CAP2: variants seen among roughly 807,000 people sequenced by gnomAD.
CAP2 encodes the protein cyclase associated actin cytoskeleton regulatory protein 2.
A neutral mutation model predicts 57.7 loss-of-function variants in CAP2; 24 were observed. The observed-to-expected ratio is 0.42, with a 90% CI of 0.30 to 0.58. CAP2 has a LOEUF of 0.58. CAP2 is among the 20% of genes least tolerant of loss of function. The pLI, the probability that CAP2 is intolerant of heterozygous loss-of-function variation, is 0.22. For missense variants in CAP2, 501 were observed against 590.3 expected, an observed-to-expected ratio of 0.85 and a Z score of 1.57; for synonymous variants, 194 against 207.2, an observed-to-expected ratio of 0.94 and a Z score of 0.55.
chr6:17,526,861 G>A (rs1228108044), intron 7 of CAP2, among the ~76,000 whole-genome samples: 6 of 150,282 alleles, frequency 4.0e-5, no homozygotes, highest in Admixed American at 2.7e-4. Flanking sequence ...GGAGGCTGAG[G>A]CAGGAGAATC....
chr6:17,528,854 T>C (rs1762569348), intron 7 of CAP2, among the ~76,000 whole-genome samples: 1 of 152,200 alleles, frequency 6.6e-6, no homozygotes, highest in Non-Finnish European at 1.5e-5. Context: ...ACTGTGGTAT[T>C]ATTAACAATT....
Position 17,557,639 on chromosome 6 carries a change from A to G in CAP2, c.*1197A>G, listed in dbSNP as rs1182121674. On this transcript the variant is annotated 3_prime_UTR_variant, in exon 13 of 13. Transcript: ENST00000229922. Reference sequence around the variant, plus strand: ...CATTTTTTAAATATCTTCTATATCCATATAGTATTCAAATTATTAATGCTC... The same window carrying G: ...CATTTTTTAAATATCTTCTATATCCGTATAGTATTCAAATTATTAATGCTC... The G allele has an allele frequency of 6.6e-6, 1 of 152,194 alleles. No individual in the cohort carries two copies. Among genetic ancestry groups the G allele is most frequent in the Non-Finnish European group, 1.5e-5 (1 of 68,034 alleles). The allele number at this position is 152,194 out of a possible 1,614,324, so 9.4% of individuals were successfully genotyped here.
At chr6:17,484,267 A>G (rs1461681075) in intron 4 of CAP2, among the ~76,000 whole-genome samples, 2 of 152,066 alleles carry the variant, frequency 1.3e-5, no homozygotes, top group Admixed American at 6.6e-5. Flanking sequence ...AATCATTTCC[A>G]TAGCAGTTGC....
chr6:17,539,132 A>C, intron 7 of CAP2, 137 bp from the exon 8 acceptor site: 1 of 724,562 alleles, frequency 1.4e-6, no homozygotes, highest in Non-Finnish European at 2.3e-6. Flanking sequence ...CATGATGCAC[A>C]GGTGTGCCCT....
At chr6:17,506,618 A>G (rs1192300734) in intron 4 of CAP2, among the ~76,000 whole-genome samples, 1 of 148,846 alleles carries the variant, frequency 6.7e-6, no homozygotes, top group African/African-American at 2.5e-5. Context: ...CCAGCCTGGG[A>G]CAGAGTGAGA....
chr6:17,437,168 A>G (rs550593911), intron 3 of CAP2, among the ~76,000 whole-genome samples: 7 of 152,292 alleles, frequency 4.6e-5, no homozygotes, highest in South Asian at 2.1e-4. Context: ...AGTGTAATGC[A>G]CTTGAGTCAT....
At chr6:17,433,001 A>G (rs955307962) in intron 3 of CAP2, among the ~76,000 whole-genome samples, 19 of 122,382 alleles carry the variant, frequency 1.6e-4, no homozygotes, top group South Asian at 2.4e-4. Flanking sequence ...CCGTCCATCT[A>G]TCTGTCTTTC....
intron 8 of CAP2, among the ~76,000 whole-genome samples, chr6:17,540,756 AAACAACAACAAC>A (rs376461452): frequency 6.6e-6 from 1 of 152,098 alleles, no homozygotes; most frequent in Non-Finnish European, 1.5e-5. Flanking sequence ...TCCATTTAAA[AAACAACAACAAC>A]AACAACAACT....
chr6:17,517,037 GGT>G (rs1379348430), intron 7 of CAP2, among the ~76,000 whole-genome samples: 3 of 152,158 alleles, frequency 2.0e-5, no homozygotes, highest in African/African-American at 7.2e-5. Context: ...GATATGGATG[GGT>G]GTTTATGTAG....
At chr6:17,432,860 T>C (rs1221271792) in intron 3 of CAP2, among the ~76,000 whole-genome samples, 1 of 151,900 alleles carries the variant, frequency 6.6e-6, no homozygotes, top group Non-Finnish European at 1.5e-5. Flanking sequence ...GTTTTTTCCC[T>C]CTTTTTGTCT....
At chr6:17,533,181 A>G (rs1435521795) in intron 7 of CAP2, among the ~76,000 whole-genome samples, 1 of 152,046 alleles carries the variant, frequency 6.6e-6, no homozygotes, top group Non-Finnish European at 1.5e-5. Context: ...TTTAATGAAA[A>G]CAAATTTTGA....
chr6:17,434,417 C>G (rs6935951), intron 3 of CAP2, among the ~76,000 whole-genome samples: 12,359 of 151,882 alleles, frequency 0.081, 1,689 homozygotes, highest in African/African-American at 0.28. Context: ...TTAGTAGAGA[C>G]GGGGTTTCAC....
At chr6:17,423,158 A>T (rs1010861441) in intron 2 of CAP2, among the ~76,000 whole-genome samples, 27 of 152,318 alleles carry the variant, frequency 1.8e-4, no homozygotes, top group African/African-American at 6.0e-4. Context: ...TTTCACCAGG[A>T]AAGACCTACA....
At chr6:17,531,097 A>G (rs975688178) in intron 7 of CAP2, 2 of 762,432 alleles carry the variant, frequency 2.6e-6, no homozygotes, top group African/African-American at 3.4e-5. Flanking sequence ...ATGATGCCAT[A>G]TTTACCGAGA....
chr6:17,460,153 C>T (rs6913107), intron 3 of CAP2, among the ~76,000 whole-genome samples: 14,824 of 152,156 alleles, frequency 0.097, 2,297 homozygotes, highest in African/African-American at 0.33. Flanking sequence ...GTCACCATTG[C>T]CACATCTGGG....
chr6:17,425,025 G>A (rs1036469200), intron 2 of CAP2, among the ~76,000 whole-genome samples: 2 of 152,140 alleles, frequency 1.3e-5, no homozygotes, highest in African/African-American at 4.8e-5. Context: ...CAGCTTCAAC[G>A]TCTAGCTTCA....
intron 1 of CAP2, among the ~76,000 whole-genome samples, chr6:17,418,404 C>T (rs1403218464): frequency 6.6e-6 from 1 of 152,178 alleles, no homozygotes; most frequent in Non-Finnish European, 1.5e-5. Context: ...CATGGAGTGA[C>T]ATCTGAGTCG....
At chr6:17,469,055 G>A (rs551482242) in intron 4 of CAP2, among the ~76,000 whole-genome samples, 1 of 152,384 alleles carries the variant, frequency 6.6e-6, no homozygotes, top group South Asian at 2.1e-4. Flanking sequence ...TCACCTGGGA[G>A]AGATGAGAAA....
intron 7 of CAP2, among the ~76,000 whole-genome samples, chr6:17,537,380 G>C (rs1581605191): frequency 6.6e-6 from 1 of 152,092 alleles, no homozygotes; most frequent in East Asian, 1.9e-4. Flanking sequence ...TAGAGACAGG[G>C]TCTCACTTTG....
Sources: gnomAD v4.1 joint callset for allele counts (sites outside exome capture counted in the v4.1 genomes callset) on GRCh38, gnomAD v4.1.1 for gene constraint, MANE v1.5 for transcripts, NCBI Gene and HGNC (gene_info 2026-07-23, HGNC 2026-07-21) for gene names.